PLPP4: variants seen among roughly 807,000 people sequenced by gnomAD.
PLPP4 encodes phospholipid phosphatase 4.
In PLPP4, 20 loss-of-function variants were observed where a neutral mutation model predicts 32.2. The observed-to-expected ratio is 0.62, with a 90% confidence interval of 0.44 to 0.90. PLPP4 has a LOEUF of 0.90. Among genes scored for constraint, PLPP4 ranks in the 40% least tolerant of loss-of-function variants. The pLI is 0.00. For synonymous variants in PLPP4, 127 were observed against 133.0 expected (o/e 0.95, Z 0.31); for missense variants, 257 against 353.1 (o/e 0.73, Z 2.18).
At chr10:120,499,018 A>C (rs1204640101) in intron 1 of PLPP4, among the ~76,000 whole-genome samples, 1 of 152,182 alleles carries the variant, frequency 6.6e-6, no homozygotes, top group Non-Finnish European at 1.5e-5. Context: ...GGCACTCTGC[A>C]TCCTTGGATC....
At chr10:120,502,833 C>G (rs1370327748) in intron 1 of PLPP4, among the ~76,000 whole-genome samples, 6 of 152,184 alleles carry the variant, frequency 3.9e-5, no homozygotes, top group Non-Finnish European at 5.9e-5. Flanking sequence ...ACCAAGACAG[C>G]TGGCCACCTT....
At chr10:120,460,179 G>T (rs1847978511) in intron 1 of PLPP4, among the ~76,000 whole-genome samples, 1 of 152,136 alleles carries the variant, frequency 6.6e-6, no homozygotes, top group African/African-American at 2.4e-5. Flanking sequence ...CAGTGTTTAG[G>T]AAAAATAAAA....
Position 120,503,810 on chromosome 10 carries a change from T to A in PLPP4, c.57-8T>A. 1 of 1,610,224 alleles carries A rather than the reference T, an allele frequency of 6.2e-7. No individual in the cohort carries two copies. The highest frequency in any genetic ancestry group is 8.5e-7 in the Non-Finnish European group (1 of 1,176,948). ...CAACCTTCATGTACTTTTCTTTTTA[T>A]GTTTCAGTTTTACAGAGTTTTTGGA... On this transcript the variant is annotated splice_polypyrimidine_tract_variant and splice_region_variant and intron_variant, in intron 1 of 6. Coordinates refer to ENST00000398250, the MANE Select transcript of PLPP4 (RefSeq NM_001030059.3).
intron 5 of PLPP4, among the ~76,000 whole-genome samples, chr10:120,563,776 C>CGCAGTCA (rs1564842516): frequency 9.9e-6 from 1 of 100,846 alleles, no homozygotes; most frequent in African/African-American, 3.8e-5. Context: ...GTCCGCAGTC[C>CGCAGTCA]GGCCTGGGCG....
chr10:120,537,815 A>G (rs1168261638), intron 5 of PLPP4, among the ~76,000 whole-genome samples: 1 of 151,956 alleles, frequency 6.6e-6, no homozygotes, highest in Non-Finnish European at 1.5e-5. Context: ...TACAATTATT[A>G]TTTGTCAATT....
chr10:120,534,731 C>T (rs1846924800), intron 5 of PLPP4, among the ~76,000 whole-genome samples: 2 of 152,056 alleles, frequency 1.3e-5, no homozygotes, highest in East Asian at 1.9e-4. Context: ...CTGCTAAGGC[C>T]CTCTAGTAAA....
chr10:120,532,601 A>G (rs142973769), intron 5 of PLPP4, among the ~76,000 whole-genome samples: 110 of 152,218 alleles, frequency 7.2e-4, no homozygotes, highest in African/African-American at 2.4e-3. Flanking sequence ...ATAAAACCTG[A>G]ATCCATTAGC....
chr10:120,531,872 CT>C (rs1218916081), intron 5 of PLPP4, among the ~76,000 whole-genome samples: 748 of 45,540 alleles, frequency 0.016, 5 homozygotes, highest in African/African-American at 0.041. Context: ...ACTACACACA[CT>C]ACACACACAC....
intron 5 of PLPP4, among the ~76,000 whole-genome samples, chr10:120,521,319 G>A (rs1354155629): frequency 6.6e-6 from 1 of 152,162 alleles, no homozygotes; most frequent in African/African-American, 2.4e-5. Flanking sequence ...TTGCTTTCAT[G>A]AGCTTGGCAG....
Position 120,503,473 on chromosome 10 carries a change from A to G in PLPP4, c.57-345A>G, listed in dbSNP as rs1177240912. On this transcript the variant is annotated intron_variant, in intron 1 of 6. Transcript: ENST00000398250. The stretch of plus-strand genomic sequence containing the variant: ...CCACCTCAAACCCATTTTGTTTTCA[A>G]GAGACCATGCTGCTGCCCTGGCCTT... The G allele has an allele frequency of 6.1e-6, 9 of 1,467,590 alleles. No homozygotes were observed. In the South Asian group the frequency reaches 8.5e-5, roughly 14 times the overall value. The allele number at this position is 1,467,590 out of a possible 1,614,324, so 90.9% of individuals were successfully genotyped here.
intron 1 of PLPP4, among the ~76,000 whole-genome samples, chr10:120,493,893 A>G (rs1415558983): frequency 6.6e-6 from 1 of 152,166 alleles, no homozygotes; most frequent in Non-Finnish European, 1.5e-5. Flanking sequence ...AACAGAGTGA[A>G]CAGCCAGGGA....
intron 5 of PLPP4, among the ~76,000 whole-genome samples, chr10:120,547,181 GAAC>G (rs1408032726): frequency 1.3e-5 from 2 of 151,840 alleles, no homozygotes; most frequent in African/African-American, 4.8e-5. Flanking sequence ...CATTCAATAA[GAAC>G]AAGTCCTGAA....
At chr10:120,513,849 C>A in intron 2 of PLPP4, 62 bp from the exon 3 acceptor site, 1 of 1,249,484 alleles carries the variant, frequency 8.0e-7, no homozygotes, top group Non-Finnish European at 1.2e-6. Flanking sequence ...AACTAATTAT[C>A]AATCAGCCCT....
At chr10:120,524,719 G>C (rs1355512924) in intron 5 of PLPP4, among the ~76,000 whole-genome samples, 1 of 152,308 alleles carries the variant, frequency 6.6e-6, no homozygotes, top group East Asian at 1.9e-4. Flanking sequence ...GGCAGCCTAA[G>C]CCACCCTTGA....
intron 1 of PLPP4, among the ~76,000 whole-genome samples, chr10:120,496,448 C>A (rs775617316): frequency 1.1e-4 from 17 of 152,146 alleles, no homozygotes; most frequent in African/African-American, 3.6e-4. Flanking sequence ...CCCTAGAGGA[C>A]CAGGGTCCTC....
At chr10:120,524,187 T>C (rs1270046969) in intron 5 of PLPP4, among the ~76,000 whole-genome samples, 1 of 152,180 alleles carries the variant, frequency 6.6e-6, no homozygotes, top group Non-Finnish European at 1.5e-5. Flanking sequence ...CTCCTTTTTT[T>C]AAATGACAGG....
At chr10:120,561,128 C>A (rs1300612192) in intron 5 of PLPP4, among the ~76,000 whole-genome samples, 2 of 152,176 alleles carry the variant, frequency 1.3e-5, no homozygotes, top group African/African-American at 4.8e-5. Context: ...AAACAAGTAT[C>A]CAGTCTAGGA....
At chr10:120,526,385 C>T (rs1846392001) in intron 5 of PLPP4, among the ~76,000 whole-genome samples, 1 of 152,060 alleles carries the variant, frequency 6.6e-6, no homozygotes, top group Non-Finnish European at 1.5e-5. Flanking sequence ...GCTAATTGGG[C>T]AGGGCTTGTT....
At chr10:120,510,772 T>C (rs1012662313) in intron 2 of PLPP4, among the ~76,000 whole-genome samples, 1 of 152,198 alleles carries the variant, frequency 6.6e-6, no homozygotes, top group Non-Finnish European at 1.5e-5. Context: ...TAAAAATGTT[T>C]GTGTACAAGG....
Sources: gnomAD v4.1 joint callset for allele counts (sites outside exome capture counted in the v4.1 genomes callset) on GRCh38, gnomAD v4.1.1 for gene constraint, MANE v1.5 for transcripts, NCBI Gene and HGNC (gene_info 2026-07-23, HGNC 2026-07-21) for gene names.